Variants in SCARB2 observed in about 807,000 individuals in gnomAD.
SCARB2 encodes lysosome membrane protein 2.
A neutral mutation model predicts 58.6 loss-of-function variants in SCARB2; 29 were observed. That is an observed-to-expected ratio of 0.49 (90% CI 0.37 to 0.67). The LOEUF (loss-of-function observed/expected upper bound fraction) is 0.67, where lower values mean the gene tolerates loss of function less well. Ranked by LOEUF, SCARB2 falls within the 30% of genes least tolerant of loss-of-function variation. SCARB2 has a pLI of 0.00. For missense variants in SCARB2, 488 were observed against 578.5 expected, an observed-to-expected ratio of 0.84 and a Z score of 1.60; for synonymous variants, 195 against 210.1, an observed-to-expected ratio of 0.93 and a Z score of 0.62.
At chr4:76,191,357 C>T (rs1365837415) in intron 2 of SCARB2, among the ~76,000 whole-genome samples, 2 of 152,186 alleles carry the variant, frequency 1.3e-5, no homozygotes, top group East Asian at 3.8e-4. Flanking sequence ...TTGGTGTCCC[C>T]TCAAAATCTC....
upstream of SCARB2, among the ~76,000 whole-genome samples, chr4:76,216,393 C>T (rs1733208392): frequency 6.6e-6 from 1 of 152,198 alleles, no homozygotes; most frequent in Non-Finnish European, 1.5e-5. Context: ...CTTCCACCCC[C>T]TACTCTCTGA....
At chr4:76,228,204 G>A (rs746768417) in intron 1 of SCARB2, among the ~76,000 whole-genome samples, 5 of 151,972 alleles carry the variant, frequency 3.3e-5, no homozygotes, top group Admixed American at 6.6e-5. Context: ...CCAGCTGGGC[G>A]CAGTGGCTCA....
chr4:76,222,253 G>A (rs1477927981), intron 1 of SCARB2, among the ~76,000 whole-genome samples: 1 of 148,974 alleles, frequency 6.7e-6, no homozygotes, highest in African/African-American at 2.5e-5. Flanking sequence ...CTGAGACCGA[G>A]TCTCACTCTG....
intron 9 of SCARB2, chr4:76,166,542 T>C (rs900628796): frequency 5.2e-6 from 3 of 581,544 alleles, no homozygotes; most frequent in Admixed American, 2.8e-5. Flanking sequence ...TTCCTTAAAA[T>C]GATGACTAGT....
Position 76,195,748 on chromosome 4 carries a change from C to G in SCARB2, c.234G>C (p.Gly78=), listed in dbSNP as rs1435754207. The G allele has an allele frequency of 1.2e-6, 2 of 1,613,958 alleles. No individual in the cohort carries two copies. The highest frequency in any genetic ancestry group is 1.3e-5 in the African/African-American group (1 of 74,926). The change falls in exon 2 of 12, where the codon GGG becomes GGC. Residue 78 remains glycine (G), a synonymous_variant. Transcript: ENST00000264896. ...CCACTTCTTCCACCCGAGGGGTCTC[C>G]CCTCTGAGGATCTCCTCTGGATTGG... is the stretch of plus-strand genomic sequence containing the variant. ...NVTNPEEILR[G]ETPRVEEVGP... is the part of the protein sequence containing the mutation.
chr4:76,173,988 T>G lies in SCARB2; in HGVS notation c.994+156A>C, dbSNP rs550822076. 100 of 855,386 alleles carry G rather than the reference T, an allele frequency of 1.2e-4. No homozygotes were observed. In the Admixed American group the frequency reaches 1.9e-3, roughly 16 times the overall value. The allele number at this position is 855,386 out of a possible 1,614,324, so 53.0% of individuals were successfully genotyped here. ...CTCGCCATGTTGCCCAGGATGGACTTGAGAACTCCTGGGCTCAAGTGATCA... is the reference window on the plus strand; with the variant it reads ...CTCGCCATGTTGCCCAGGATGGACTGGAGAACTCCTGGGCTCAAGTGATCA... On this transcript the variant is annotated intron_variant, in intron 7 of 11. Coordinates refer to ENST00000264896, the MANE Select transcript of SCARB2 (RefSeq NM_005506.4).
intron 1 of SCARB2, among the ~76,000 whole-genome samples, chr4:76,226,405 A>G (rs959389067): frequency 6.6e-5 from 10 of 152,222 alleles, no homozygotes; most frequent in African/African-American, 2.2e-4. Context: ...CAATCAATTT[A>G]TGATTTTGGG....
At chr4:76,189,083 G>T (rs1382850932) in intron 2 of SCARB2, among the ~76,000 whole-genome samples, 1 of 152,150 alleles carries the variant, frequency 6.6e-6, no homozygotes. Context: ...TGTGTCCTAT[G>T]AATTTAAACC....
At chr4:76,164,825 T>C (rs1267986025) in intron 10 of SCARB2, 1 of 152,148 alleles carries the variant, frequency 6.6e-6, no homozygotes, top group East Asian at 1.9e-4. Flanking sequence ...AAGCATTTTT[T>C]TTCATTGGAC....
chr4:76,207,502 A>G (rs1222971457), intron 1 of SCARB2, among the ~76,000 whole-genome samples: 1 of 152,254 alleles, frequency 6.6e-6, no homozygotes, highest in African/African-American at 2.4e-5. Context: ...TATTTGTCAA[A>G]TGAAAGAATG....
At position 76,195,777 on chromosome 4, in the gene SCARB2, C is replaced by T. The variant is rs1217672961; in HGVS notation, c.205G>A (p.Val69Ile). ...PVYTQFYFFN[V>I]TNPEEILRGE... ...CTGAGGATCTCCTCTGGATTGGTGACATTGAAGAAATAGAACTGAGTATAC... is the reference window on the plus strand; with the variant it reads ...CTGAGGATCTCCTCTGGATTGGTGATATTGAAGAAATAGAACTGAGTATAC... The change falls in exon 2 of 12, where the codon GTC becomes ATC. Residue 69 changes from valine (V) to isoleucine (I), a missense_variant. By Grantham distance (29) the Val-to-Ile change is conservative. Transcript: ENST00000264896. The T allele has an allele frequency of 6.2e-7, 1 of 1,613,830 alleles. No homozygotes were observed. Among genetic ancestry groups the T allele is most frequent in the Non-Finnish European group, 8.5e-7 (1 of 1,179,828 alleles).
chr4:76,178,266 T>C (rs1732293361), intron 4 of SCARB2, among the ~76,000 whole-genome samples: 1 of 152,232 alleles, frequency 6.6e-6, no homozygotes, highest in African/African-American at 2.4e-5. Context: ...GCACAGGTAG[T>C]AGCTCCTCTA....
intron 1 of SCARB2, among the ~76,000 whole-genome samples, chr4:76,219,181 C>G (rs527403335): frequency 1.3e-4 from 20 of 152,250 alleles, no homozygotes; most frequent in Admixed American, 9.2e-4. Context: ...AGCAATGGCA[C>G]TGGAATACTC....
chr4:76,174,357 G>C, intron 6 of SCARB2, 44 bp from the exon 7 acceptor site: 1 of 1,593,540 alleles, frequency 6.3e-7, no homozygotes, highest in East Asian at 2.2e-5. Flanking sequence ...ACTCTGGTCA[G>C]TGTAATCTGC....
chr4:76,170,555 GTTTTGTTTTT>G (rs1271939364), intron 7 of SCARB2, among the ~76,000 whole-genome samples: 1 of 151,914 alleles, frequency 6.6e-6, no homozygotes, highest in Non-Finnish European at 1.5e-5. Flanking sequence ...GTTTTGTTTT[GTTTTGTTTTT>G]ACCAAAGACA....
chr4:76,225,032 T>C (rs533838981), intron 1 of SCARB2, among the ~76,000 whole-genome samples: 27 of 152,328 alleles, frequency 1.8e-4, no homozygotes, highest in African/African-American at 5.1e-4. Context: ...TGTGAGAAGA[T>C]ACAATGTTTG....
intron 9 of SCARB2, chr4:76,166,940 A>G (rs1206787757): frequency 6.5e-6 from 1 of 152,904 alleles, no homozygotes; most frequent in Non-Finnish European, 1.5e-5. Context: ...TACTTCTTAG[A>G]AAGAGCCATG....
chr4:76,199,709 G>A (rs1052834676), intron 1 of SCARB2, among the ~76,000 whole-genome samples: 2 of 152,164 alleles, frequency 1.3e-5, no homozygotes, highest in African/African-American at 2.4e-5. Context: ...GGGTTTCCTC[G>A]AGTGTTACCC....
intron 1 of SCARB2, among the ~76,000 whole-genome samples, chr4:76,224,392 G>C (rs1733360297): frequency 6.6e-6 from 1 of 152,320 alleles, no homozygotes; most frequent in Admixed American, 6.5e-5. Context: ...GAAATGGAGA[G>C]AGGAGGGGCT....
Sources: gnomAD v4.1 joint callset for allele counts (sites outside exome capture counted in the v4.1 genomes callset) on GRCh38, gnomAD v4.1.1 for gene constraint, MANE v1.5 for transcripts, NCBI Gene and HGNC (gene_info 2026-07-23, HGNC 2026-07-21) for gene names.